The following OR14A16 variants were observed in gnomAD, a reference collection of about 807,000 sequenced individuals.
The protein encoded by OR14A16 is olfactory receptor family 14 subfamily A member 16, also known as olfactory receptor 14A16.
For missense variants in OR14A16, 341 were observed against 366.5 expected (o/e 0.93, Z 0.57); for synonymous variants, 135 against 137.6 (o/e 0.98, Z 0.13).
rs541735898 is a variant in OR14A16, at chr1:247,817,359, A to G, written c.-15-1615T>C. ...CATTTGAATGAACAGTTAAAAATAA[A>G]TGTTAGGATTTATTCCAGAAAAAGA... is the stretch of plus-strand genomic sequence containing the variant. On this transcript the variant is annotated intron_variant, in intron 2 of 2. Coordinates refer to ENST00000641093, the MANE Select transcript of OR14A16 (RefSeq NM_001001966.2). Among the ~76,000 whole-genome samples, 195 of 152,332 alleles carry G rather than the reference A, an allele frequency of 1.3e-3. 2 individuals are homozygous for G. The highest frequency in any genetic ancestry group is 6.0e-3 in the South Asian group (29 of 4,826).
chr1:247,821,366 T>C (rs1050768555), intron 1 of OR14A16, among the ~76,000 whole-genome samples: 14 of 152,350 alleles, frequency 9.2e-5, no homozygotes, highest in East Asian at 7.7e-4. Flanking sequence ...ATGTGGAGTA[T>C]TGAAATCCCC....
intron 1 of OR14A16, among the ~76,000 whole-genome samples, chr1:247,823,558 CAATT>C (rs1385222110): frequency 6.6e-6 from 1 of 151,922 alleles, no homozygotes; most frequent in Non-Finnish European, 1.5e-5. Context: ...TCTAGCATGA[CAATT>C]AAATAATACC....
At position 247,815,512 on chromosome 1, in the gene OR14A16, G is replaced by C. The variant is rs199954467; in HGVS notation, c.218C>G (p.Ser73Ter). 188 of 1,613,776 alleles carry C rather than the reference G, an allele frequency of 1.2e-4. No individual in the cohort carries two copies. The highest frequency in any genetic ancestry group is 1.5e-4 in the Non-Finnish European group (177 of 1,179,792). The change falls in exon 3 of 3, where the codon TCA becomes TGA. Residue 73 changes from serine (S) to a stop codon, truncating the protein, a stop_gained. Coordinates refer to ENST00000641093, the MANE Select transcript of OR14A16 (RefSeq NM_001001966.2). LOFTEE classifies it low-confidence loss of function (END_TRUNC). ...GGCGATAGATTTGGGAGCCGTGACT[G>C]AAATAAGGCAGAGATCCAAGAAAGA... ...NLSFLDLCLI[S>*]VTAPKSIANS... is the part of the protein sequence containing the mutation.
At chr1:247,820,983 A>G (rs1375047492) in intron 1 of OR14A16, among the ~76,000 whole-genome samples, 1 of 152,220 alleles carries the variant, frequency 6.6e-6, no homozygotes, top group African/African-American at 2.4e-5. Flanking sequence ...TGTTTGAATC[A>G]ACATGTTTTT....
chr1:247,820,671 C>A (rs1211269928), intron 1 of OR14A16, among the ~76,000 whole-genome samples: 1 of 145,362 alleles, frequency 6.9e-6, no homozygotes, highest in South Asian at 2.4e-4. Flanking sequence ...TATGGTGAAA[C>A]CCCATCTCTA....
At chr1:247,821,302 C>T (rs990438019) in intron 1 of OR14A16, among the ~76,000 whole-genome samples, 8 of 152,150 alleles carry the variant, frequency 5.3e-5, no homozygotes, top group Non-Finnish European at 7.3e-5. Flanking sequence ...AGTTCAAGTC[C>T]AATCCTTGTT....
chr1:247,815,105 A>G lies in OR14A16; in HGVS notation c.625T>C (p.Phe209Leu), dbSNP rs986138977. 1 of 1,613,978 alleles carries G rather than the reference A, an allele frequency of 6.2e-7. No homozygotes were observed. Among genetic ancestry groups the G allele is most frequent in the African/African-American group, 1.3e-5 (1 of 75,044 alleles). ...LINVVLDFCC[F>L]IVIIITYVHV... Reference sequence around the variant, plus strand: ...ACATAGGTAATGATGATGACAATAAAACAGCAGAAATCCAAAACTACATTA... The same window carrying G: ...ACATAGGTAATGATGATGACAATAAGACAGCAGAAATCCAAAACTACATTA... The change falls in exon 3 of 3, where the codon TTT (phenylalanine) becomes CTT (leucine). Residue 209 changes from phenylalanine (F) to leucine (L), a missense_variant. Transcript: ENST00000641093.
At chr1:247,820,855 C>T (rs1489560528) in intron 1 of OR14A16, among the ~76,000 whole-genome samples, 1 of 135,748 alleles carries the variant, frequency 7.4e-6, no homozygotes, top group African/African-American at 2.9e-5. Flanking sequence ...AGTAAAGCAC[C>T]GTCTCAAAAA....
intron 1 of OR14A16, among the ~76,000 whole-genome samples, chr1:247,823,689 G>A (rs1293265380): frequency 6.6e-6 from 1 of 152,108 alleles, no homozygotes; most frequent in East Asian, 1.9e-4. Flanking sequence ...ATGAATATTA[G>A]TGGAAAAATA....
Position 247,814,920 on chromosome 1 carries a change from T to C in OR14A16, c.810A>G (p.Val270=). Residue 270 remains valine, a synonymous_variant, in exon 3 of 3, where the codon GTA becomes GTG. Transcript: ENST00000641093. ...GCAGCATAGTGTAGAACACAGAAAT[T>C]ACAGCATCCAAAATAGAAGGAGACT... is the stretch of plus-strand genomic sequence containing the variant. The part of the protein sequence containing the change: ...ASESPSILDA[V]ISVFYTMLPP... 6.2e-7 allele frequency: 1 copy of C among 1,613,884 alleles called. No individual in the cohort carries two copies. Among genetic ancestry groups the C allele is most frequent in the Non-Finnish European group, 8.5e-7 (1 of 1,179,936 alleles).
chr1:247,822,608 C>G (rs1662762709), intron 1 of OR14A16, among the ~76,000 whole-genome samples: 1 of 152,158 alleles, frequency 6.6e-6, no homozygotes, highest in Admixed American at 6.5e-5. Context: ...CTTTCTGGGA[C>G]CTCTCTGCCT....
chr1:247,816,211 C>A (rs1662618897), intron 2 of OR14A16, among the ~76,000 whole-genome samples: 1 of 152,140 alleles, frequency 6.6e-6, no homozygotes, highest in South Asian at 2.1e-4. Context: ...GAACAATTAA[C>A]AATTCTAAAA....
chr1:247,819,243 C>T (rs1489464986), intron 1 of OR14A16, 66 bp from the exon 2 acceptor site: 1 of 152,112 alleles, frequency 6.6e-6, no homozygotes, highest in African/African-American at 2.4e-5. Context: ...TCTCAAAACA[C>T]CAGCTTCTCC....
At chr1:247,815,970 C>T (rs1281959744) in intron 2 of OR14A16, among the ~76,000 whole-genome samples, 1 of 152,074 alleles carries the variant, frequency 6.6e-6, no homozygotes, top group Non-Finnish European at 1.5e-5. Context: ...CAATTTAGTT[C>T]ACATAAATGC....
chr1:247,815,543 T>G lies in OR14A16; in HGVS notation c.187A>C (p.Asn63His), dbSNP rs896900910. Residue 63 changes from asparagine to histidine, a missense_variant, in exon 3 of 3, where the codon AAT (asparagine) becomes CAT (histidine). Coordinates refer to ENST00000641093, the MANE Select transcript of OR14A16 (RefSeq NM_001001966.2). Reference protein sequence around the residue: ...LHTPVYFFLKNLSFLDLCLIS... With the variant: ...LHTPVYFFLKHLSFLDLCLIS... ...AGGCAGAGATCCAAGAAAGATAGATTCTTCAAGAAGAAATACACGGGGGTG... is the reference window on the plus strand; with the variant it reads ...AGGCAGAGATCCAAGAAAGATAGATGCTTCAAGAAGAAATACACGGGGGTG... 10 of 1,613,926 alleles carry G rather than the reference T, an allele frequency of 6.2e-6. No individual in the cohort carries two copies. In the Admixed American group the frequency reaches 1.0e-4, roughly 16 times the overall value.
intron 1 of OR14A16, among the ~76,000 whole-genome samples, chr1:247,820,572 A>C (rs946952721): frequency 6.6e-6 from 1 of 151,982 alleles, no homozygotes; most frequent in Non-Finnish European, 1.5e-5. Context: ...TGGGCCCGGC[A>C]CGGTCGTGCA....
Position 247,815,653 on chromosome 1 carries a change from G to A in OR14A16, c.77C>T (p.Ser26Leu), listed in dbSNP as rs773654431. The A allele has an allele frequency of 7.5e-6, 12 of 1,610,516 alleles. No homozygotes were observed. The Admixed American group carries it at 1.5e-4, about 20-fold the overall frequency. ...CAAATAAATCAACAAGAAGAGAATC[G>A]AATGCAAAATGCACATATTTTTATT... ...STNKNMCILH[S>L]ILFLLIYLCA... Residue 26 changes from serine (S) to leucine (L), a missense_variant, in exon 3 of 3, where the codon TCG becomes TTG. Coordinates refer to ENST00000641093, the MANE Select transcript of OR14A16 (RefSeq NM_001001966.2).
intron 2 of OR14A16, among the ~76,000 whole-genome samples, chr1:247,816,623 G>A (rs1201775064): frequency 6.6e-6 from 1 of 152,168 alleles, no homozygotes; most frequent in Non-Finnish European, 1.5e-5. Flanking sequence ...TGCTACTTGG[G>A]AGGCTGAGGC....
At chr1:247,817,827 A>G (rs1662655757) in intron 2 of OR14A16, among the ~76,000 whole-genome samples, 2 of 152,202 alleles carry the variant, frequency 1.3e-5, no homozygotes, top group South Asian at 4.1e-4. Context: ...CCAAAAATAT[A>G]TCACTAAGAG....
Sources: gnomAD v4.1 joint callset for allele counts (sites outside exome capture counted in the v4.1 genomes callset) on GRCh38, gnomAD v4.1.1 for gene constraint, MANE v1.5 for transcripts, NCBI Gene and HGNC (gene_info 2026-07-23, HGNC 2026-07-21) for gene names.